AKR1D1: variants seen among roughly 807,000 people sequenced by gnomAD.
AKR1D1 encodes the protein delta(4)-3-ketosteroid 5-beta-reductase.
Under a neutral mutation model 42.6 loss-of-function variants are expected in AKR1D1, and 32 were observed. The ratio of observed to expected loss-of-function variants is 0.75; its 90% CI spans 0.57 to 1.01. The LOEUF (loss-of-function observed/expected upper bound fraction) is 1.01, where lower values mean the gene tolerates loss of function less well. AKR1D1 is among the 50% of genes least tolerant of loss of function. The probability of loss-of-function intolerance (pLI) is 0.00; values close to 1 mark genes in which losing one functional copy is unlikely to be tolerated. For synonymous variants in AKR1D1, 123 were observed against 135.5 expected, an observed-to-expected ratio of 0.91 and a Z score of 0.64; for missense variants, 364 against 402.2, an observed-to-expected ratio of 0.91 and a Z score of 0.81.
chr7:138,109,528 C>T (rs141553972), intron 7 of AKR1D1, among the ~76,000 whole-genome samples: 1 of 152,202 alleles, frequency 6.6e-6, no homozygotes, highest in Non-Finnish European at 1.5e-5. Flanking sequence ...ATATTACCCA[C>T]TGTGGCCACT....
Position 138,088,040 on chromosome 7 carries a change from G to C in AKR1D1, c.94-561G>C, listed in dbSNP as rs114039081. 2.2e-3 allele frequency among the ~76,000 whole-genome samples: 335 copies of C among 152,068 alleles called. 4 individuals are homozygous for C. The highest frequency in any genetic ancestry group is 7.9e-3 in the African/African-American group (328 of 41,486). On this transcript the variant is annotated intron_variant, in intron 1 of 8. Coordinates refer to ENST00000242375, the MANE Select transcript of AKR1D1 (RefSeq NM_005989.4). ...CAAGTAACTGGGACCACAGGCGCAT[G>C]CCACCACATCCAGCTAATTACTTTA...
intron 3 of AKR1D1, among the ~76,000 whole-genome samples, chr7:138,093,931 T>G (rs371504807): frequency 1.1e-4 from 17 of 152,308 alleles, no homozygotes; most frequent in African/African-American, 3.8e-4. Flanking sequence ...CCATCATACA[T>G]GCAGTCCACC....
At chr7:138,091,747 C>T in intron 2 of AKR1D1, 21 bp from the exon 3 acceptor site, 3 of 1,541,798 alleles carry the variant, frequency 1.9e-6, no homozygotes, top group Non-Finnish European at 1.8e-6. Context: ...TTAGTTAATT[C>T]TCCCTCTTTG....
intron 7 of AKR1D1, among the ~76,000 whole-genome samples, chr7:138,112,387 G>T (rs1585743058): frequency 6.6e-6 from 1 of 152,212 alleles, no homozygotes; most frequent in Admixed American, 6.5e-5. Flanking sequence ...AAGAATCCAT[G>T]GAGGGATAAT....
rs377181210 is a variant in AKR1D1, at chr7:138,107,615, G to C, written c.855+35G>C. ...TTGCTTTTGGAGATGTGAAAAGATG[G>C]GTATGTTTGCTATTTTTGCTTTTAT... On this transcript the variant is annotated intron_variant, in intron 7 of 8. Transcript: ENST00000242375. The C allele has an allele frequency of 2.5e-6, 4 of 1,608,828 alleles. No homozygotes were observed. The East Asian group carries it at 8.9e-5, about 36-fold the overall frequency.
chr7:138,093,670 A>G (rs1794131081), intron 3 of AKR1D1, among the ~76,000 whole-genome samples: 1 of 151,566 alleles, frequency 6.6e-6, no homozygotes, highest in Non-Finnish European at 1.5e-5. Flanking sequence ...TACACTTAAC[A>G]TTTTTTAAAA....
intron 4 of AKR1D1, among the ~76,000 whole-genome samples, chr7:138,100,882 T>C (rs1794293620): frequency 6.6e-6 from 1 of 151,794 alleles, no homozygotes; most frequent in Non-Finnish European, 1.5e-5. Flanking sequence ...TTTTTTGTAC[T>C]TTTAGTAGAG....
At chr7:138,096,554 A>AG (rs1035416989) in intron 3 of AKR1D1, among the ~76,000 whole-genome samples, 2 of 152,312 alleles carry the variant, frequency 1.3e-5, no homozygotes, top group Non-Finnish European at 2.9e-5. Context: ...CACATGAATT[A>AG]GGGGGGACAC....
intron 1 of AKR1D1, among the ~76,000 whole-genome samples, chr7:138,081,723 T>C (rs1394457234): frequency 6.6e-6 from 1 of 151,738 alleles, no homozygotes; most frequent in East Asian, 1.9e-4. Context: ...GAAATAGAGT[T>C]TCACCAAGAT....
chr7:138,097,013 A>G (rs1348555198), intron 3 of AKR1D1, among the ~76,000 whole-genome samples: 3 of 152,170 alleles, frequency 2.0e-5, no homozygotes, highest in African/African-American at 7.2e-5. Flanking sequence ...CAAAATATCC[A>G]AAATGATATT....
chr7:138,098,396 G>A (rs758081442), intron 4 of AKR1D1: 5 of 159,372 alleles, frequency 3.1e-5, no homozygotes, highest in Non-Finnish European at 5.5e-5. Flanking sequence ...GATCATCTGA[G>A]GTCAGGAGTT....
At chr7:138,085,446 C>CT (rs67935838) in intron 1 of AKR1D1, among the ~76,000 whole-genome samples, 73,041 of 129,776 alleles carry the variant, frequency 0.56, 21,475 homozygotes, top group Non-Finnish European at 0.64. Flanking sequence ...CTTTTCTTTC[C>CT]TTTTTTTTTT....
At position 138,112,226 on chromosome 7, in the gene AKR1D1, C is replaced by CA. The variant is rs778891738; in HGVS notation, c.856-1458dup. Among the ~76,000 whole-genome samples the CA allele has an allele frequency of 1.5e-4, 23 of 152,052 alleles. No homozygotes were observed. The East Asian group carries it at 2.9e-3, about 19-fold the overall frequency. ...CTTAAAGGAGAGGACTAGTGTTTAG[C>CA]AAAAAAGAAGTCTGAGTAAGGATTC... is the stretch of plus-strand genomic sequence containing the variant. On this transcript the variant is annotated intron_variant, in intron 7 of 8. Transcript: ENST00000242375.
chr7:138,078,290 G>A (rs1320093045), intron 1 of AKR1D1, among the ~76,000 whole-genome samples: 2 of 152,114 alleles, frequency 1.3e-5, no homozygotes, highest in Non-Finnish European at 1.5e-5. Context: ...CTATAGTAAT[G>A]AGACATCATC....
At chr7:138,106,976 A>T (rs1794447196) in intron 6 of AKR1D1, among the ~76,000 whole-genome samples, 1 of 152,158 alleles carries the variant, frequency 6.6e-6, no homozygotes, top group African/African-American at 2.4e-5. Flanking sequence ...TTGACAAAGG[A>T]GTTTCTATGG....
intron 7 of AKR1D1, among the ~76,000 whole-genome samples, chr7:138,108,003 C>G (rs564463692): frequency 2.1e-4 from 32 of 152,110 alleles, no homozygotes; most frequent in Non-Finnish European, 4.0e-4. Context: ...ATCTATTGAC[C>G]CTTGACACTA....
chr7:138,107,476 TAC>T lies in AKR1D1; in HGVS notation c.753_754del (p.Tyr251Ter). The T allele has an allele frequency of 6.2e-7, 1 of 1,614,126 alleles. No individual in the cohort carries two copies. Among genetic ancestry groups the T allele is most frequent in the Non-Finnish European group, 8.5e-7 (1 of 1,179,974 alleles). ...DALLNSLGKR[Y>X]NKTAAQIVLR... ...ACTTCTAAACTCATTGGGGAAAAGGTACAATAAGACAGCAGCTCAAATTGTTT... is the reference window on the plus strand; with the variant it reads ...ACTTCTAAACTCATTGGGGAAAAGGTAATAAGACAGCAGCTCAAATTGTTT... On this transcript the variant is annotated frameshift_variant, in exon 7 of 9. Transcript: ENST00000242375. LOFTEE classifies it high-confidence loss of function.
At chr7:138,102,217 AT>A (rs1426447747) in intron 4 of AKR1D1, among the ~76,000 whole-genome samples, 1 of 152,166 alleles carries the variant, frequency 6.6e-6, no homozygotes, top group Non-Finnish European at 1.5e-5. Context: ...TCTCAAAAAA[AT>A]AAAATAAAAT....
rs1412789407 is a variant in AKR1D1, at chr7:138,088,634, G to T, written c.127G>T (p.Val43Phe). 31 of 1,614,196 alleles carry T rather than the reference G, an allele frequency of 1.9e-5. No individual in the cohort carries two copies. The highest frequency in any genetic ancestry group is 2.5e-5 in the Non-Finnish European group (30 of 1,180,030). ...PKGACATSVKVAIDTGYRHID... is the reference protein window; with the variant it reads ...PKGACATSVKFAIDTGYRHID... ...GGGAGCCTGTGCAACATCGGTGAAG[G>T]TTGCTATTGACACAGGGTACCGACA... The change falls in exon 2 of 9, where the codon GTT becomes TTT. Residue 43 changes from valine (V) to phenylalanine (F), a missense_variant. Transcript: ENST00000242375.
Sources: gnomAD v4.1 joint callset for allele counts (sites outside exome capture counted in the v4.1 genomes callset) on GRCh38, gnomAD v4.1.1 for gene constraint, MANE v1.5 for transcripts, NCBI Gene and HGNC (gene_info 2026-07-23, HGNC 2026-07-21) for gene names.